The following MPHOSPH9 variants were observed in gnomAD, a reference collection of about 807,000 sequenced individuals.
The protein encoded by MPHOSPH9 is M-phase phosphoprotein 9.
A neutral mutation model predicts 145.5 loss-of-function variants in MPHOSPH9; 88 were observed. The ratio of observed to expected loss-of-function variants is 0.60; its 90% CI spans 0.51 to 0.72. The LOEUF is 0.72. Ranked by LOEUF, MPHOSPH9 falls within the 30% of genes least tolerant of loss-of-function variation. The pLI is 0.00. For missense variants in MPHOSPH9, 1,238 were observed against 1,386.6 expected (o/e 0.89, Z 1.70); for synonymous variants, 435 against 486.2 (o/e 0.89, Z 1.39).
In MPHOSPH9 at chr12:123,161,271, A is replaced by T. The variant is rs780799228; in HGVS notation, c.3246T>A (p.Asn1082Lys). 6 of 1,614,118 alleles carry T rather than the reference A, an allele frequency of 3.7e-6. No homozygotes were observed. Among genetic ancestry groups the T allele is most frequent in the Non-Finnish European group, 5.1e-6 (6 of 1,180,020 alleles). The stretch of plus-strand genomic sequence containing the variant: ...TACACTGTTCGTAGCTAACTGATTT[A>T]TTCTTCTCCCAGGCTGTTCTCACAG... ...KVSVRTAWEK[N>K]KSVSYEQCKP... Residue 1082 changes from asparagine to lysine, a missense_variant, in exon 22 of 24, where the codon AAT (asparagine) becomes AAA (lysine). Transcript: ENST00000606320.
chr12:123,152,799 T>C (rs1179089907), downstream of MPHOSPH9: 2 of 300,864 alleles, frequency 6.6e-6, no homozygotes, highest in African/African-American at 2.2e-5. Flanking sequence ...CTGTCAACCA[T>C]ACATGGTCCC....
In MPHOSPH9 at chr12:123,160,844, C is replaced by T. The variant is rs745660300; in HGVS notation, c.3387G>A (p.Glu1129=). 2.5e-6 allele frequency: 4 copies of T among 1,613,676 alleles called. No individual in the cohort carries two copies. The African/African-American group carries it at 4.0e-5, about 16-fold the overall frequency. Residue 1129 remains glutamate (E), a synonymous_variant, in exon 23 of 24, where the codon GAG becomes GAA. Transcript: ENST00000606320. ...DELTKEKDQI[E]AALSRMPSPG... The stretch of plus-strand genomic sequence containing the variant: ...GAGAAGGCATCCTGCTTAGTGCTGC[C>T]TCAATCTGTTAACACACGAAAAAAA...
upstream of MPHOSPH9, among the ~76,000 whole-genome samples, chr12:123,234,882 T>G (rs189602354): frequency 1.3e-5 from 2 of 152,358 alleles, no homozygotes; most frequent in Admixed American, 1.3e-4. Flanking sequence ...CCTTAGTACC[T>G]GATTTCACAG....
intron 16 of MPHOSPH9, among the ~76,000 whole-genome samples, chr12:123,168,016 T>C (rs2044389288): frequency 6.6e-6 from 1 of 152,176 alleles, no homozygotes; most frequent in Non-Finnish European, 1.5e-5. Flanking sequence ...CTCCAAAGAC[T>C]GTGCCCCTAT....
Position 123,166,786 on chromosome 12 carries a change from TG to T in MPHOSPH9, c.2459del (p.Thr820AsnfsTer2). ...RIHVRPSRAN[T>X]LATSDVSRRK... ...GCCTGCTGACGTCTGAAGTTGCTAG[TG>T]TGCTATTAGAATGAAAACGGTCAGG... On this transcript the variant is annotated frameshift_variant and splice_region_variant, in exon 17 of 24. Coordinates refer to ENST00000606320, the MANE Select transcript of MPHOSPH9 (RefSeq NM_022782.4). LOFTEE classifies it high-confidence loss of function. The T allele has an allele frequency of 6.2e-7, 1 of 1,612,270 alleles. No individual in the cohort carries two copies. Among genetic ancestry groups the T allele is most frequent in the Non-Finnish European group, 8.5e-7 (1 of 1,179,592 alleles).
chr12:123,215,721 G>C (rs2046923749), intron 6 of MPHOSPH9, among the ~76,000 whole-genome samples: 1 of 152,166 alleles, frequency 6.6e-6, no homozygotes, highest in Admixed American at 6.6e-5. Flanking sequence ...GATATGTGAT[G>C]AGAATATTTC....
At chr12:123,176,211 C>G (rs1267204036) in intron 16 of MPHOSPH9, among the ~76,000 whole-genome samples, 1 of 151,948 alleles carries the variant, frequency 6.6e-6, no homozygotes, top group African/African-American at 2.4e-5. Context: ...AAGGGTATCA[C>G]CAAGACAATG....
At chr12:123,236,506 C>T (rs937194198), upstream of MPHOSPH9, among the ~76,000 whole-genome samples, 2 of 151,178 alleles carry the variant, frequency 1.3e-5, no homozygotes, top group African/African-American at 4.9e-5. Flanking sequence ...GGCAAAGAAG[C>T]TTGCTTGAGC....
At chr12:123,198,948 C>A (rs778445189) in intron 11 of MPHOSPH9, among the ~76,000 whole-genome samples, 1 of 148,140 alleles carries the variant, frequency 6.8e-6, no homozygotes, top group South Asian at 2.2e-4. Flanking sequence ...TGGAAAAATG[C>A]AAAAAATTAA....
At chr12:123,158,275 G>A (rs995933549) in intron 23 of MPHOSPH9, among the ~76,000 whole-genome samples, 2 of 151,998 alleles carry the variant, frequency 1.3e-5, no homozygotes, top group African/African-American at 4.8e-5. Flanking sequence ...GATTACAGGC[G>A]TGAACCACTG....
At chr12:123,216,771 T>C (rs890706825) in intron 6 of MPHOSPH9, among the ~76,000 whole-genome samples, 4 of 151,870 alleles carry the variant, frequency 2.6e-5, no homozygotes, top group African/African-American at 9.7e-5. Context: ...GCTGAGGTGG[T>C]TGGATCACTT....
chr12:123,202,540 A>T, intron 10 of MPHOSPH9, 84 bp downstream of exon 10: 1 of 1,363,880 alleles, frequency 7.3e-7, no homozygotes, highest in Non-Finnish European at 9.9e-7. Flanking sequence ...ACTTTATGCA[A>T]TACTGAAGTT....
At chr12:123,158,942 T>C (rs1367142585) in intron 23 of MPHOSPH9, among the ~76,000 whole-genome samples, 1 of 152,032 alleles carries the variant, frequency 6.6e-6, no homozygotes, top group Non-Finnish European at 1.5e-5. Flanking sequence ...CAAAATATCT[T>C]TGAATTAGGC....
chr12:123,174,416 A>T (rs1330692441), intron 16 of MPHOSPH9, among the ~76,000 whole-genome samples: 1 of 144,454 alleles, frequency 6.9e-6, no homozygotes, highest in East Asian at 2.1e-4. Context: ...TCAGTTGCCC[A>T]GGCTGGAATG....
Position 123,179,734 on chromosome 12 carries a change from A to AG in MPHOSPH9, c.2354+191_2354+192insC, listed in dbSNP as rs1555220421. Among the ~76,000 whole-genome samples the AG allele has an allele frequency of 3.6e-4, 54 of 151,184 alleles. 1 individual carries two copies. The highest frequency in any genetic ancestry group is 5.2e-4 in the Non-Finnish European group (35 of 67,736). ...GTCTCTTTAAAAAAAAAAAAAAAAA[A>AG]AGAGAGAGAGAGAGAAGAAATCTTG... On this transcript the variant is annotated intron_variant, in intron 15 of 23. Transcript: ENST00000606320.
At chr12:123,206,494 G>T (rs1196471549) in intron 8 of MPHOSPH9, among the ~76,000 whole-genome samples, 2 of 112,168 alleles carry the variant, frequency 1.8e-5, no homozygotes, top group African/African-American at 8.1e-5. Context: ...GAGGAGAAGA[G>T]AAGAGAGGAG....
chr12:123,163,986 A>G lies in MPHOSPH9; in HGVS notation c.2872T>C (p.Ser958Pro). Residue 958 changes from serine to proline, a missense_variant, in exon 19 of 24, where the codon TCT becomes CCT. By Grantham distance (74) the Ser-to-Pro change is moderately conservative (BLOSUM62 -1). Transcript: ENST00000606320. ...RLNSASQRSS[S>P]LPPSNRKSST... is the part of the protein sequence containing the mutation. ...GATTTACGATTTGAAGGTGGTAAAG[A>G]TGATGATCTCTGTGAGGCCGAATTA... 9 of 1,614,184 alleles carry G rather than the reference A, an allele frequency of 5.6e-6. No individual in the cohort carries two copies. The highest frequency in any genetic ancestry group is 7.6e-6 in the Non-Finnish European group (9 of 1,180,024).
At chr12:123,177,108 T>C (rs2044907354) in intron 15 of MPHOSPH9, among the ~76,000 whole-genome samples, 1 of 151,986 alleles carries the variant, frequency 6.6e-6, no homozygotes, top group Admixed American at 6.6e-5. Context: ...GAGAATCACT[T>C]GAACCAGGGA....
At chr12:123,211,693 T>C (rs2046729098) in intron 7 of MPHOSPH9, among the ~76,000 whole-genome samples, 1 of 139,984 alleles carries the variant, frequency 7.1e-6, no homozygotes, top group Non-Finnish European at 1.5e-5. Context: ...TCTTTTTTTT[T>C]TTTTTTTTTT....
Sources: allele counts gnomAD v4.1 joint callset (sites outside exome capture counted in the v4.1 genomes callset), GRCh38; gene constraint gnomAD v4.1.1; transcripts MANE v1.5; gene names NCBI Gene and HGNC (gene_info 2026-07-23, HGNC 2026-07-21).